PIWIL3: variants seen among roughly 807,000 people sequenced by gnomAD.
The protein encoded by PIWIL3 is piwi like RNA-mediated gene silencing 3.
Under a neutral mutation model 109.7 loss-of-function variants are expected in PIWIL3, and 101 were observed. The observed-to-expected ratio is 0.92, with a 90% CI of 0.78 to 1.09. PIWIL3 has a LOEUF of 1.09. Among genes scored for constraint, PIWIL3 ranks in the 50% least tolerant of loss-of-function variants. The pLI is 0.00. For synonymous variants in PIWIL3, 373 were observed against 376.4 expected (o/e 0.99, Z 0.10); for missense variants, 1,031 against 1,072.6 (o/e 0.96, Z 0.54).
chr22:24,728,307 T>G lies in PIWIL3; in HGVS notation c.1775A>C (p.Lys592Thr). The change falls in exon 15 of 21, where the codon AAA becomes ACA. Residue 592 changes from lysine (K) to threonine (T), a missense_variant. Transcript: ENST00000616349. ...YDSIKRYLCT[K>T]CPIPSQCVVK... Reference sequence around the variant, plus strand: ...CACACACTGGCTTGGAATTGGGCATTTGGTACATAGGTATCTTTTTATGCT... The same window carrying G: ...CACACACTGGCTTGGAATTGGGCATGTGGTACATAGGTATCTTTTTATGCT... 6.2e-7 allele frequency: 1 copy of G among 1,614,192 alleles called. No homozygotes were observed.
chr22:24,757,835 CT>C, intron 4 of PIWIL3, 72 bp downstream of exon 4: 1 of 1,447,048 alleles, frequency 6.9e-7, no homozygotes, highest in African/African-American at 1.6e-5. Context: ...AGGACCTTGT[CT>C]CTCAATGAAA....
At chr22:24,757,241 T>C (rs1176488325) in intron 4 of PIWIL3, among the ~76,000 whole-genome samples, 1 of 152,122 alleles carries the variant, frequency 6.6e-6, no homozygotes, top group African/African-American at 2.4e-5. Context: ...ACTGAATAGA[T>C]TGAAAATTAG....
intron 13 of PIWIL3, among the ~76,000 whole-genome samples, chr22:24,734,687 C>T (rs1923552937): frequency 6.6e-6 from 1 of 151,980 alleles, no homozygotes; most frequent in Non-Finnish European, 1.5e-5. Context: ...CAGGTTCTCA[C>T]AGTAAAAACC....
intron 13 of PIWIL3, among the ~76,000 whole-genome samples, chr22:24,734,757 C>T (rs951699050): frequency 6.6e-6 from 1 of 151,240 alleles, no homozygotes; most frequent in Non-Finnish European, 1.5e-5. Flanking sequence ...TTTTGAAATA[C>T]ACCAGGGTCC....
chr22:24,722,227 T>C (rs1922715162), intron 19 of PIWIL3, among the ~76,000 whole-genome samples: 1 of 152,010 alleles, frequency 6.6e-6, no homozygotes, highest in Non-Finnish European at 1.5e-5. Context: ...GGACTACAGG[T>C]GCCCGCCACC....
At position 24,748,846 on chromosome 22, in the gene PIWIL3, C is replaced by A; in HGVS notation, c.1449+61G>T. 4 of 1,331,512 alleles carry A rather than the reference C, an allele frequency of 3.0e-6. No individual in the cohort carries two copies. In the South Asian group the frequency reaches 5.2e-5, roughly 17 times the overall value. 82.5% of individuals were successfully genotyped at this position (1,331,512 alleles called of 1,614,324 possible). A position where few individuals can be genotyped will look rare whatever the true frequency, so the allele number is the denominator to read the frequency against. On this transcript the variant is annotated intron_variant, in intron 12 of 20. Transcript: ENST00000616349. ...GTCATTACTGAGACTCAAGTTAGTT[C>A]CTTTTTGCTTTACTCTTCATTTGAC... is the stretch of plus-strand genomic sequence containing the variant.
At position 24,749,491 on chromosome 22, in the gene PIWIL3, C is replaced by T. The variant is rs751203273; in HGVS notation, c.1247G>A (p.Ser416Asn). The T allele has an allele frequency of 3.3e-5, 53 of 1,613,346 alleles. No homozygotes were observed. Among genetic ancestry groups the T allele is most frequent in the Non-Finnish European group, 4.2e-5 (50 of 1,179,996 alleles). ...GLTDEICKDY[S>N]IVKELAKHTR... ...ATGTTTAGCCAATTCTTTCACAATG[C>T]TATAATCTTTACATATTTCATCTGT... Residue 416 changes from serine to asparagine, a missense_variant, in exon 11 of 21, where the codon AGC becomes AAC. By Grantham distance (46) the Ser-to-Asn change is conservative. Transcript: ENST00000616349.
At chr22:24,723,100 A>G in intron 19 of PIWIL3, 30 bp downstream of exon 19, 1 of 1,602,308 alleles carries the variant, frequency 6.2e-7, no homozygotes, top group Non-Finnish European at 8.5e-7. Flanking sequence ...AAAATCATAG[A>G]ACCATGTGCA....
chr22:24,757,113 G>GAA (rs1925097725), intron 4 of PIWIL3, among the ~76,000 whole-genome samples: 2 of 130,020 alleles, frequency 1.5e-5, no homozygotes, highest in South Asian at 4.9e-4. Flanking sequence ...GAAAAGAAAA[G>GAA]AAAAGCCAAA....
chr22:24,751,543 A>C lies in PIWIL3; in HGVS notation c.978-45T>G, dbSNP rs1924711406. On this transcript the variant is annotated intron_variant, in intron 8 of 20. Coordinates refer to ENST00000616349, the MANE Select transcript of PIWIL3 (RefSeq NM_001255975.1). The stretch of plus-strand genomic sequence containing the variant: ...TGGTATTATTTGACTTATTCATCAC[A>C]TGGAACCATCCACACAGAAAATAGA... The C allele has an allele frequency of 1.9e-6, 3 of 1,592,484 alleles. No individual in the cohort carries two copies. The East Asian group carries it at 6.7e-5, about 36-fold the overall frequency.
chr22:24,737,837 T>C (rs919500535), intron 12 of PIWIL3, among the ~76,000 whole-genome samples: 2 of 152,038 alleles, frequency 1.3e-5, no homozygotes, highest in Non-Finnish European at 2.9e-5. Context: ...GTGGTGGTGG[T>C]GGCCATGGGG....
chr22:24,728,503 G>A, intron 14 of PIWIL3, 129 bp from the exon 15 acceptor site: 2 of 1,020,310 alleles, frequency 2.0e-6, no homozygotes, highest in South Asian at 3.1e-5. Context: ...GAAAATATAT[G>A]AGCCCAAGAG....
chr22:24,726,762 T>C (rs957402631), intron 16 of PIWIL3, among the ~76,000 whole-genome samples: 13 of 152,288 alleles, frequency 8.5e-5, no homozygotes, highest in African/African-American at 2.9e-4. Flanking sequence ...TATTATCATA[T>C]TGAAGCAGAA....
Position 24,754,058 on chromosome 22 carries a change from T to C in PIWIL3, c.933A>G (p.Arg311=). The C allele has an allele frequency of 6.2e-7, 1 of 1,612,436 alleles. No homozygotes were observed. Among genetic ancestry groups the C allele is most frequent in the South Asian group, 1.1e-5 (1 of 91,048 alleles). ...TSAQAQTGNI[R]EEVTNKLIGS... is the part of the protein sequence containing the mutation. ...CAATTAATTTATTAGTTACTTCCTC[T>C]CGGATGTTTCCTGTCTGGGCCTGGG... The change falls in exon 8 of 21, where the codon CGA becomes CGG. Residue 311 remains arginine, a synonymous_variant. Coordinates refer to ENST00000616349, the MANE Select transcript of PIWIL3 (RefSeq NM_001255975.1).
At position 24,723,268 on chromosome 22, in the gene PIWIL3, A is replaced by G; in HGVS notation, c.2232-13T>C. 2 of 1,604,944 alleles carry G rather than the reference A, an allele frequency of 1.2e-6. No individual in the cohort carries two copies. The highest frequency in any genetic ancestry group is 1.7e-6 in the Non-Finnish European group (2 of 1,174,442). ...AGCTAGAGTGAAACTTAAAAAAATT[A>G]GGGTAAGTGTCACTATGTTTACTCA... is the stretch of plus-strand genomic sequence containing the variant. On this transcript the variant is annotated splice_polypyrimidine_tract_variant and intron_variant, in intron 18 of 20. Coordinates refer to ENST00000616349, the MANE Select transcript of PIWIL3 (RefSeq NM_001255975.1).
chr22:24,759,852 T>G lies in PIWIL3; in HGVS notation c.223+17A>C. 6.2e-7 allele frequency: 1 copy of G among 1,611,544 alleles called. No homozygotes were observed. The highest frequency in any genetic ancestry group is 8.5e-7 in the Non-Finnish European group (1 of 1,178,496). ...GAAGCATCCCCTGCCCCTCATGTCC[T>G]TCTTGCTTCCTTTCACCTTGAGACT... is the stretch of plus-strand genomic sequence containing the variant. On this transcript the variant is annotated intron_variant, in intron 3 of 20. Transcript: ENST00000616349.
chr22:24,749,278 A>G lies in PIWIL3; in HGVS notation c.1334+126T>C, dbSNP rs1924560079. On this transcript the variant is annotated intron_variant, in intron 11 of 20. Transcript: ENST00000616349. ...ACAGAAAAACTAGAGTTGTCCCCCA[A>G]CATCAAAATTCTTCCCATTGTCACT... The G allele has an allele frequency of 4.2e-6, 6 of 1,424,916 alleles. No homozygotes were observed. The Admixed American group carries it at 8.8e-5, about 21-fold the overall frequency. 88.3% of individuals were successfully genotyped at this position (1,424,916 alleles called of 1,614,324 possible).
Position 24,735,822 on chromosome 22 carries a change from A to T in PIWIL3, c.1520T>A (p.Leu507Gln), listed in dbSNP as rs1012208639. Residue 507 changes from leucine (L) to glutamine (Q), a missense_variant, in exon 13 of 21, where the codon CTA becomes CAA. Transcript: ENST00000616349. ...RELPLLNAMP[L>Q]HSWLILYSRS... ...GCTATAGAGTATGAGCCAACTATGTAGTGGCATTGCATTAAGTAAGGGTAA... is the reference window on the plus strand; with the variant it reads ...GCTATAGAGTATGAGCCAACTATGTTGTGGCATTGCATTAAGTAAGGGTAA... 6.2e-7 allele frequency: 1 copy of T among 1,613,448 alleles called. No individual in the cohort carries two copies. Among genetic ancestry groups the T allele is most frequent in the Admixed American group, 1.7e-5 (1 of 59,992 alleles).
intron 14 of PIWIL3, among the ~76,000 whole-genome samples, chr22:24,731,496 A>G (rs553945011): frequency 5.9e-5 from 9 of 151,622 alleles, no homozygotes; most frequent in Non-Finnish European, 1.0e-4. Context: ...ACTAAAATAT[A>G]AAAAATTAGC....
Sources: allele counts gnomAD v4.1 joint callset (sites outside exome capture counted in the v4.1 genomes callset), GRCh38; gene constraint gnomAD v4.1.1; transcripts MANE v1.5; gene names NCBI Gene and HGNC (gene_info 2026-07-23, HGNC 2026-07-21).